DECR1: variants seen among roughly 807,000 people sequenced by gnomAD.
The protein encoded by DECR1 is 2,4-dienoyl-CoA reductase [(3E)-enoyl-CoA-producing], mitochondrial.
Under a neutral mutation model 38.8 loss-of-function variants are expected in DECR1, and 44 were observed. That is an observed-to-expected ratio of 1.13 (90% CI 0.89 to 1.46). The LOEUF is 1.46. Ranked by LOEUF, DECR1 falls within the 40% of genes most tolerant of loss-of-function variation. The pLI, the probability that DECR1 is intolerant of heterozygous loss-of-function variation, is 0.00. For synonymous variants in DECR1, 148 were observed against 135.2 expected (o/e 1.09, Z -0.66); for missense variants, 428 against 405.5 (o/e 1.06, Z -0.48).
intron 8 of DECR1, among the ~76,000 whole-genome samples, chr8:90,050,439 G>T (rs1343030036): frequency 1.3e-5 from 2 of 152,132 alleles, no homozygotes; most frequent in East Asian, 3.9e-4. Flanking sequence ...ATCATCACTG[G>T]CCATCAGAGA....
intron 5 of DECR1, among the ~76,000 whole-genome samples, chr8:90,034,709 C>T (rs1813578008): frequency 6.6e-6 from 1 of 152,150 alleles, no homozygotes; most frequent in Non-Finnish European, 1.5e-5. Flanking sequence ...CCCTTGGTCT[C>T]CCAAAGTGCT....
chr8:90,002,591 A>T (rs1006666379), intron 1 of DECR1, among the ~76,000 whole-genome samples: 1 of 152,264 alleles, frequency 6.6e-6, no homozygotes, highest in Non-Finnish European at 1.5e-5. Flanking sequence ...CCAGGTAGAA[A>T]AATTAATATG....
chr8:90,026,710 G>T (rs1432905367), intron 5 of DECR1, among the ~76,000 whole-genome samples: 1 of 152,018 alleles, frequency 6.6e-6, no homozygotes, highest in African/African-American at 2.4e-5. Context: ...GGTTTTTTGT[G>T]TTTCTATCTC....
rs541241443 is a variant in DECR1, at chr8:90,036,211, C to G, written c.566-630C>G. 5.9e-5 allele frequency among the ~76,000 whole-genome samples: 9 copies of G among 152,232 alleles called. No homozygotes were observed. The East Asian group carries it at 1.7e-3, about 29-fold the overall frequency. On this transcript the variant is annotated intron_variant, in intron 5 of 9. Coordinates refer to ENST00000220764, the MANE Select transcript of DECR1 (RefSeq NM_001359.2). ...TTAGAAACCTTAGTTTCCTCAGGCT[C>G]CCCAAACCGATCTCTATCTTCTTAA...
chr8:90,050,957 A>G (rs993148407), intron 8 of DECR1, among the ~76,000 whole-genome samples: 1 of 152,174 alleles, frequency 6.6e-6, no homozygotes, highest in African/African-American at 2.4e-5. Context: ...TCTCACTCAT[A>G]AGTGGGAATT....
At chr8:90,005,178 A>C in intron 1 of DECR1, 1 of 365,592 alleles carries the variant, frequency 2.7e-6, no homozygotes, top group African/African-American at 2.1e-5. Context: ...GGAGTTGGTG[A>C]AGTATGGGAA....
rs1263215762 is a variant in DECR1, at chr8:90,052,853, C to T, written c.*956C>T. Among the ~76,000 whole-genome samples, 1 of 152,134 alleles carries T rather than the reference C, an allele frequency of 6.6e-6. No individual in the cohort carries two copies. The highest frequency in any genetic ancestry group is 1.5e-5 in the Non-Finnish European group (1 of 68,012). ...TCCCAGGAGTCAGTTACAACATGTT[C>T]ACTAGACTGACTATCCCCATTGCCC... On this transcript the variant is annotated 3_prime_UTR_variant, in exon 10 of 10. Coordinates refer to ENST00000220764, the MANE Select transcript of DECR1 (RefSeq NM_001359.2).
intron 5 of DECR1, among the ~76,000 whole-genome samples, chr8:90,033,724 G>T (rs1417003196): frequency 6.6e-6 from 1 of 152,142 alleles, no homozygotes. Flanking sequence ...ACCTTAAAGG[G>T]ATAAAAAGAA....
intron 5 of DECR1, among the ~76,000 whole-genome samples, chr8:90,033,250 A>G (rs527397377): frequency 6.6e-6 from 1 of 152,232 alleles, no homozygotes; most frequent in South Asian, 2.1e-4. Flanking sequence ...AGCTTTTTTG[A>G]TAGATAATAT....
chr8:90,015,611 T>C (rs1408729698), intron 1 of DECR1: 4 of 456,800 alleles, frequency 8.8e-6, no homozygotes, highest in Non-Finnish European at 1.8e-5. Flanking sequence ...TTTCAAGATA[T>C]CCTGAACCAA....
rs200548004 is a variant in DECR1, at chr8:90,047,359, C to CA, written c.885+2373dup. On this transcript the variant is annotated intron_variant, in intron 8 of 9. Coordinates refer to ENST00000220764, the MANE Select transcript of DECR1 (RefSeq NM_001359.2). ...GAAACCCTACCAAGCAAATGGAAAA[C>CA]AAAAAAAAAGCAGGGGTTGCAATCC... is the stretch of plus-strand genomic sequence containing the variant. 1.5e-4 allele frequency among the ~76,000 whole-genome samples: 23 copies of CA among 149,260 alleles called. 1 individual carries two copies. Among genetic ancestry groups the CA allele is most frequent in the Middle Eastern group, 6.9e-3 (2 of 288 alleles).
chr8:90,019,147 T>A lies in DECR1; in HGVS notation c.392T>A (p.Leu131Gln), dbSNP rs762836103. 6.2e-7 allele frequency: 1 copy of A among 1,614,154 alleles called. No homozygotes were observed. Among genetic ancestry groups the A allele is most frequent in the Admixed American group, 1.7e-5 (1 of 60,026 alleles). The change falls in exon 4 of 10, where the codon CTG (leucine) becomes CAG (glutamine). Residue 131 changes from leucine (L) to glutamine (Q), a missense_variant. Physicochemically the swap from Leu to Gln is moderately radical, Grantham distance 113. Transcript: ENST00000220764. ...PDMVQNTVSE[L>Q]IKVAGHPNIV... ...ATGGTTCAAAACACTGTGTCAGAAC[T>A]GATCAAAGTTGCAGGACATCCTAAT...
intron 6 of DECR1, among the ~76,000 whole-genome samples, chr8:90,037,448 CTT>C (rs538084218): frequency 3.4e-4 from 47 of 137,104 alleles, no homozygotes; most frequent in Admixed American, 3.7e-4. Context: ...AGTATAACTG[CTT>C]TTTTTTTTTT....
chr8:90,019,545 C>A (rs1013218753), intron 4 of DECR1, among the ~76,000 whole-genome samples: 1 of 152,226 alleles, frequency 6.6e-6, no homozygotes, highest in Non-Finnish European at 1.5e-5. Context: ...GGGTTGGTAA[C>A]TTCTGAGTTA....
intron 5 of DECR1, 111 bp from the exon 6 acceptor site, chr8:90,036,730 T>C (rs1813625043): frequency 6.3e-6 from 4 of 633,036 alleles, no homozygotes; most frequent in Non-Finnish European, 1.1e-5. Flanking sequence ...AAAAATACTT[T>C]AGTTTTTCTT....
chr8:90,051,317 G>T (rs1267832079), intron 8 of DECR1, among the ~76,000 whole-genome samples: 1 of 151,926 alleles, frequency 6.6e-6, no homozygotes, highest in Admixed American at 6.6e-5. Context: ...GAGGGAGAGA[G>T]AGAAAAAAGG....
In DECR1 at chr8:90,002,103, G is replaced by A. The variant is rs891473566; in HGVS notation, c.69+542G>A. 4.3e-4 allele frequency among the ~76,000 whole-genome samples: 66 copies of A among 152,148 alleles called. 3 individuals are homozygous for A. The highest frequency in any genetic ancestry group is 1.5e-5 in the Non-Finnish European group (1 of 68,026). ...ATAGGGAAGAGACGTGATTTTCGAA[G>A]TTTTCACAGTTCTGCAAGTTTCCAA... On this transcript the variant is annotated intron_variant, in intron 1 of 9. Transcript: ENST00000220764.
chr8:90,015,429 A>G, intron 1 of DECR1: 1 of 309,042 alleles, frequency 3.2e-6, no homozygotes, highest in South Asian at 2.9e-5. Flanking sequence ...ATTTCCTTCT[A>G]GTCTTTTTTT....
At chr8:90,034,376 A>G (rs1222741834) in intron 5 of DECR1, among the ~76,000 whole-genome samples, 1 of 152,154 alleles carries the variant, frequency 6.6e-6, no homozygotes, top group East Asian at 1.9e-4. Context: ...AGAAGTAGAG[A>G]AATCACTGAT....
Sources: allele counts gnomAD v4.1 joint callset (sites outside exome capture counted in the v4.1 genomes callset), GRCh38; gene constraint gnomAD v4.1.1; transcripts MANE v1.5; gene names NCBI Gene and HGNC (gene_info 2026-07-23, HGNC 2026-07-21).